Variants in CCDC68 observed in about 807,000 individuals in gnomAD.
CCDC68 encodes the protein coiled-coil domain-containing protein 68.
Under a neutral mutation model 47.1 loss-of-function variants are expected in CCDC68, and 45 were observed. The ratio of observed to expected loss-of-function variants is 0.96; its 90% CI spans 0.75 to 1.23. The LOEUF (loss-of-function observed/expected upper bound fraction) is 1.23. Ranked by LOEUF, CCDC68 falls within the 50% of genes most tolerant of loss-of-function variation. CCDC68 has a pLI of 0.00. For missense variants in CCDC68, 353 were observed against 373.6 expected, an observed-to-expected ratio of 0.94 and a Z score of 0.45; for synonymous variants, 131 against 129.5, an observed-to-expected ratio of 1.01 and a Z score of -0.08.
rs576057888 is a variant in CCDC68 at position 54,941,517 on chromosome 18, TTAC to T, written c.118-437_118-435del. On this transcript the variant is annotated intron_variant, in intron 3 of 11. Coordinates refer to ENST00000591504, the MANE Select transcript of CCDC68 (RefSeq NM_025214.3). ...CTACAAAATAATTACTATTAAGTAATTACTACAGAATAATTACTGAGAGATCAC... is the reference window on the plus strand; with the variant it reads ...CTACAAAATAATTACTATTAAGTAATTACAGAATAATTACTGAGAGATCAC... Among the ~76,000 whole-genome samples, 292 of 151,928 alleles carry T rather than the reference TTAC, an allele frequency of 1.9e-3. 2 individuals carry two copies. The highest frequency in any genetic ancestry group is 6.8e-3 in the African/African-American group (281 of 41,462).
At chr18:54,947,697 T>C (rs563022453) in intron 1 of CCDC68, among the ~76,000 whole-genome samples, 56 of 152,342 alleles carry the variant, frequency 3.7e-4, no homozygotes, top group African/African-American at 1.3e-3. Flanking sequence ...AACAAGTACA[T>C]AAAATATGAA....
At chr18:54,937,082 T>C (rs547059917) in intron 5 of CCDC68, 124 bp from the exon 6 acceptor site, 76 of 834,050 alleles carry the variant, frequency 9.1e-5, no homozygotes, top group Non-Finnish European at 1.4e-4. Context: ...TCATAGACAA[T>C]GGATACGAGA....
chr18:54,941,591 G>C (rs2044439286), intron 3 of CCDC68, among the ~76,000 whole-genome samples: 1 of 152,054 alleles, frequency 6.6e-6, no homozygotes, highest in Non-Finnish European at 1.5e-5. Flanking sequence ...ATGACCTATG[G>C]AGTTGCAAGA....
chr18:54,954,669 T>G (rs189831937), intron 1 of CCDC68: 22 of 152,324 alleles, frequency 1.4e-4, no homozygotes, highest in Middle Eastern at 3.4e-3. Context: ...GTGAGAATGA[T>G]GAAGGTGGAT....
intron 1 of CCDC68, among the ~76,000 whole-genome samples, chr18:54,959,000 G>A (rs1688505019): frequency 1.3e-5 from 2 of 152,188 alleles, no homozygotes; most frequent in Non-Finnish European, 2.9e-5. Flanking sequence ...TCTGAAATTA[G>A]CAGGCAGAAA....
chr18:54,905,409 A>AGAAGGAAGGAAAGAAGGAAGGAAGGAAG (rs1913938588), intron 11 of CCDC68, among the ~76,000 whole-genome samples: 1 of 107,722 alleles, frequency 9.3e-6, no homozygotes, highest in Non-Finnish European at 1.8e-5. Flanking sequence ...AAGGAAGGGA[A>AGAAGGAAGGAAAGAAGGAAGGAAGGAAG]GAAGGAAGGA....
At chr18:54,920,236 C>T (rs201584570) in intron 8 of CCDC68, among the ~76,000 whole-genome samples, 47 of 135,228 alleles carry the variant, frequency 3.5e-4, no homozygotes, top group Non-Finnish European at 5.4e-4. Context: ...TTTCTTTTTT[C>T]TTTTTTTTTT....
chr18:54,934,069 A>C (rs1304551494), intron 7 of CCDC68, among the ~76,000 whole-genome samples: 2 of 152,254 alleles, frequency 1.3e-5, no homozygotes, highest in African/African-American at 4.8e-5. Context: ...AATATTTACT[A>C]GTATCCAAAG....
intron 4 of CCDC68, 100 bp downstream of exon 4, chr18:54,940,897 A>G (rs1330616282): frequency 2.5e-5 from 19 of 764,914 alleles, no homozygotes; most frequent in Middle Eastern, 3.0e-4. Context: ...AAATATTTCA[A>G]CACTCATCCT....
intron 6 of CCDC68, among the ~76,000 whole-genome samples, chr18:54,936,179 TATAGA>T (rs1295325383): frequency 6.2e-5 from 9 of 145,260 alleles, no homozygotes; most frequent in Admixed American, 2.8e-4. Flanking sequence ...ATTATAATTA[TATAGA>T]TAAATATATA....
At chr18:54,905,409 A>AGAAAGGAAGGAAGGAAGGAAG (rs1913937691) in intron 11 of CCDC68, among the ~76,000 whole-genome samples, 2 of 107,722 alleles carry the variant, frequency 1.9e-5, no homozygotes, top group African/African-American at 7.8e-5. Context: ...AAGGAAGGGA[A>AGAAAGGAAGGAAGGAAGGAAG]GAAGGAAGGA....
At chr18:54,943,782 C>G (rs1383661287) in intron 2 of CCDC68, among the ~76,000 whole-genome samples, 3 of 152,090 alleles carry the variant, frequency 2.0e-5, no homozygotes, top group Non-Finnish European at 4.4e-5. Context: ...ATAAAGCCAA[C>G]AGGTAATTGT....
intron 10 of CCDC68, among the ~76,000 whole-genome samples, 176 bp downstream of exon 10, chr18:54,917,737 C>A (rs925840015): frequency 1.3e-5 from 2 of 151,976 alleles, no homozygotes; most frequent in Non-Finnish European, 2.9e-5. Context: ...CACACAGACA[C>A]TCATATGCCC....
At chr18:54,957,911 T>C (rs1050310522) in intron 1 of CCDC68, 26 of 152,220 alleles carry the variant, frequency 1.7e-4, no homozygotes, top group Admixed American at 1.7e-3. Context: ...CACCTCATTT[T>C]TCAGGTTTGT....
intron 10 of CCDC68, among the ~76,000 whole-genome samples, chr18:54,917,281 G>A (rs1018489277): frequency 6.6e-6 from 1 of 152,176 alleles, no homozygotes; most frequent in African/African-American, 2.4e-5. Flanking sequence ...GGATGGATGT[G>A]AATGAAGAAA....
chr18:54,928,159 G>A (rs1013774361), intron 8 of CCDC68, among the ~76,000 whole-genome samples: 1 of 152,086 alleles, frequency 6.6e-6, no homozygotes, highest in African/African-American at 2.4e-5. Flanking sequence ...CTCATAAAAT[G>A]TCTTATGATA....
At chr18:54,958,392 A>G (rs954895351) in intron 1 of CCDC68, among the ~76,000 whole-genome samples, 1 of 152,234 alleles carries the variant, frequency 6.6e-6, no homozygotes, top group Non-Finnish European at 1.5e-5. Context: ...ACCAGACTTC[A>G]GTAGCTCTGA....
chr18:54,948,449 T>C (rs1195605795), intron 1 of CCDC68, among the ~76,000 whole-genome samples: 8 of 152,162 alleles, frequency 5.3e-5, no homozygotes, highest in Non-Finnish European at 1.0e-4. Context: ...CACCTTGATC[T>C]TGAACTTCTA....
At chr18:54,957,856 A>T (rs747639559) in intron 1 of CCDC68, 1 of 152,182 alleles carries the variant, frequency 6.6e-6, no homozygotes, top group Non-Finnish European at 1.5e-5. Flanking sequence ...TCCCATCAAA[A>T]TCTTCAGTTA....
Sources: gnomAD v4.1 joint callset for allele counts (sites outside exome capture counted in the v4.1 genomes callset) on GRCh38, gnomAD v4.1.1 for gene constraint, MANE v1.5 for transcripts, NCBI Gene and HGNC (gene_info 2026-07-23, HGNC 2026-07-21) for gene names.